Variants in WRAP73 observed in about 807,000 individuals in gnomAD.
The protein encoded by WRAP73 is WD repeat containing, antisense to TP73, also known as WD repeat-containing protein WRAP73.
WRAP73 carries 55 observed loss-of-function variants against 59.6 expected under a neutral mutation model. The observed-to-expected ratio is 0.92, with a 90% confidence interval of 0.74 to 1.15. The LOEUF (loss-of-function observed/expected upper bound fraction) is 1.15, where lower values mean the gene tolerates loss of function less well. Ranked by LOEUF, WRAP73 falls within the 50% of genes most tolerant of loss-of-function variation. The pLI is 0.00. For missense variants in WRAP73, 592 were observed against 608.1 expected, an observed-to-expected ratio of 0.97 and a Z score of 0.28; for synonymous variants, 265 against 258.2, an observed-to-expected ratio of 1.03 and a Z score of -0.25.
chr1:3,630,936 C>CA lies in WRAP73; in HGVS notation c.*38dup, dbSNP rs763485233. 2 of 1,586,776 alleles carry CA rather than the reference C, an allele frequency of 1.3e-6. No individual in the cohort carries two copies. Among genetic ancestry groups the CA allele is most frequent in the Admixed American group, 3.4e-5 (2 of 58,006 alleles). The stretch of plus-strand genomic sequence containing the variant: ...TGTGTTTTTTCCCACACTGGAAACA[C>CA]AGAGTAGCCCTGTTTCTGCACACGT... On this transcript the variant is annotated 3_prime_UTR_variant, in exon 12 of 12. Transcript: ENST00000270708.
chr1:3,634,804 T>C, intron 8 of WRAP73, 193 bp downstream of exon 8: 1 of 695,422 alleles, frequency 1.4e-6, no homozygotes, highest in East Asian at 2.7e-5. Flanking sequence ...TTCAGACCCT[T>C]TGGGCAGCGT....
intron 5 of WRAP73, 164 bp from the exon 6 acceptor site, chr1:3,636,194 T>A: frequency 1.6e-6 from 1 of 628,692 alleles, no homozygotes; most frequent in Non-Finnish European, 2.8e-6. Flanking sequence ...GTAGAGCTGC[T>A]GCTGGGGCTG....
At chr1:3,649,652 C>T (rs1244079551) in intron 1 of WRAP73, among the ~76,000 whole-genome samples, 1 of 150,632 alleles carries the variant, frequency 6.6e-6, no homozygotes, top group Non-Finnish European at 1.5e-5. Context: ...CTGGGCCCCG[C>T]ACCTGCTTGG....
At chr1:3,645,082 A>G (rs551124518) in intron 3 of WRAP73, among the ~76,000 whole-genome samples, 30 of 152,368 alleles carry the variant, frequency 2.0e-4, no homozygotes, top group Middle Eastern at 3.4e-3. Context: ...CTGACAGCCC[A>G]TAATAGCAGA....
intron 9 of WRAP73, chr1:3,632,751 A>C (rs568608635): frequency 7.5e-5 from 21 of 280,210 alleles, no homozygotes; most frequent in Non-Finnish European, 1.2e-4. Context: ...AAGAACCATC[A>C]TCACAGCAGA....
At chr1:3,633,052 A>G in intron 9 of WRAP73, 1 of 298,520 alleles carries the variant, frequency 3.3e-6, no homozygotes, top group Non-Finnish European at 6.4e-6. Context: ...AGCGCTCGGG[A>G]GCACCGCCGG....
rs1644703275 is a variant in WRAP73, at chr1:3,647,507, G to A, written c.123C>T (p.Ile41=). ...LVVRDVNTLQ[I]LQLYTCLDQI... is the part of the protein sequence containing the mutation. ...GGTCTAGGCACGTGTACAGCTGAAG[G>A]ATCTGAAGGGTGTTCACATCCCGGA... is the stretch of plus-strand genomic sequence containing the variant. Residue 41 remains isoleucine, a synonymous_variant, in exon 2 of 12, where the codon ATC becomes ATT. Transcript: ENST00000270708. 1 of 1,613,966 alleles carries A rather than the reference G, an allele frequency of 6.2e-7. No homozygotes were observed. Among genetic ancestry groups the A allele is most frequent in the Non-Finnish European group, 8.5e-7 (1 of 1,179,922 alleles).
Position 3,631,128 on chromosome 1 carries a change from A to G in WRAP73, c.1241-11T>C. ...GCACTGCAAAGTCGCCTAGAGAGAG[A>G]CAGGTGGCCAGAGGATTACAGCAGG... On this transcript the variant is annotated splice_polypyrimidine_tract_variant and intron_variant, in intron 11 of 11. Transcript: ENST00000270708. 6.2e-7 allele frequency: 1 copy of G among 1,613,020 alleles called. No individual in the cohort carries two copies. Among genetic ancestry groups the G allele is most frequent in the Non-Finnish European group, 8.5e-7 (1 of 1,179,912 alleles).
chr1:3,632,688 G>C (rs949336498), intron 9 of WRAP73: 5 of 353,832 alleles, frequency 1.4e-5, no homozygotes, highest in African/African-American at 1.1e-4. Context: ...CAGCATCTGA[G>C]TTCACAATCC....
chr1:3,631,478 C>A lies in WRAP73; in HGVS notation c.1228G>T (p.Val410Leu). Residue 410 changes from valine to leucine, a missense_variant, in exon 11 of 12, where the codon GTG becomes TTG. Val to Leu is a conservative substitution (Grantham distance 32, BLOSUM62 1). Coordinates refer to ENST00000270708, the MANE Select transcript of WRAP73 (RefSeq NM_017818.4). ...WSPAGCMSVQVPGEGDFAVLS... is the reference protein window; with the variant it reads ...WSPAGCMSVQLPGEGDFAVLS... ...GGGATGTGCTTACCTTCCCCAGGCA[C>A]CTGCACCGACATGCAGCCCGCTGGG... The A allele has an allele frequency of 1.2e-6, 2 of 1,600,030 alleles. No homozygotes were observed.
chr1:3,643,659 C>T (rs1318913399), intron 3 of WRAP73, among the ~76,000 whole-genome samples: 14 of 71,616 alleles, frequency 2.0e-4, no homozygotes, highest in South Asian at 7.8e-4. Flanking sequence ...GGGGACCCAG[C>T]GGCCCCGCTG....
At chr1:3,637,756 C>T (rs1644601927) in intron 4 of WRAP73, among the ~76,000 whole-genome samples, 3 of 152,004 alleles carry the variant, frequency 2.0e-5, no homozygotes, top group African/African-American at 7.3e-5. Context: ...ATCACTTAAG[C>T]CCAGGAGGTC....
Position 3,635,260 on chromosome 1 carries a change from A to C in WRAP73, c.638T>G (p.Leu213Trp). The C allele has an allele frequency of 6.2e-7, 1 of 1,613,994 alleles. No individual in the cohort carries two copies. The highest frequency in any genetic ancestry group is 8.5e-7 in the Non-Finnish European group (1 of 1,180,040). The part of the protein sequence containing the change: ...KILLYSLDGR[L>W]LSTYSAYEWS... ...CTCGTAAGCGCTGTACGTGGACAAC[A>C]ACCGGCCATCCAATGAGTACAGCAG... Residue 213 changes from leucine (L) to tryptophan (W), a missense_variant, in exon 7 of 12, where the codon TTG (leucine) becomes TGG (tryptophan). Physicochemically the swap from Leu to Trp is moderately conservative, Grantham distance 61. Transcript: ENST00000270708.
chr1:3,650,064 A>T lies in WRAP73; in HGVS notation c.-65T>A. 1 of 440,498 alleles carries T rather than the reference A, an allele frequency of 2.3e-6. No individual in the cohort carries two copies. The highest frequency in any genetic ancestry group is 4.4e-5 in the South Asian group (1 of 22,798). 27.3% of individuals were successfully genotyped at this position (440,498 alleles called of 1,614,324 possible). The stretch of plus-strand genomic sequence containing the variant: ...CCCGCGGGACCCCTGGGCGCGCAGC[A>T]GGCTGCAACAGCCGACGCCGGCCTC... On this transcript the variant is annotated 5_prime_UTR_variant, in exon 1 of 12. Transcript: ENST00000270708.
In WRAP73 at chr1:3,650,061, AG is replaced by A. The variant is rs1557467464; in HGVS notation, c.-63del. On this transcript the variant is annotated 5_prime_UTR_variant, in exon 1 of 12. Coordinates refer to ENST00000270708, the MANE Select transcript of WRAP73 (RefSeq NM_017818.4). Reference sequence around the variant, plus strand: ...AAACCCGCGGGACCCCTGGGCGCGCAGCAGGCTGCAACAGCCGACGCCGGCC... The same window carrying A: ...AAACCCGCGGGACCCCTGGGCGCGCACAGGCTGCAACAGCCGACGCCGGCC... The A allele has an allele frequency of 7.9e-6, 12 of 1,517,114 alleles. No homozygotes were observed. Among genetic ancestry groups the A allele is most frequent in the Non-Finnish European group, 9.7e-6 (11 of 1,131,042 alleles). 94.0% of individuals were successfully genotyped at this position (1,517,114 alleles called of 1,614,324 possible). A position where few individuals can be genotyped will look rare whatever the true frequency, so the allele number is the denominator to read the frequency against.
intron 9 of WRAP73, 115 bp from the exon 10 acceptor site, chr1:3,632,453 G>C: frequency 6.4e-7 from 1 of 1,552,362 alleles, no homozygotes; most frequent in South Asian, 1.1e-5. Context: ...CTGTTCAAAG[G>C]GGAGGAAAGT....
chr1:3,636,872 T>A, intron 5 of WRAP73, 123 bp downstream of exon 5: 1 of 1,040,838 alleles, frequency 9.6e-7, no homozygotes, highest in Non-Finnish European at 1.4e-6. Context: ...CTGCCCTTTG[T>A]TAATACAACA....
In WRAP73 at chr1:3,650,026, C is replaced by G. The variant is rs750666779; in HGVS notation, c.-27G>C. ...GCCGCCGCCTGCCGCGGGCGCCACC[C>G]TGCGCCCGAAAACCCGCGGGACCCC... On this transcript the variant is annotated 5_prime_UTR_variant, in exon 1 of 12. Coordinates refer to ENST00000270708, the MANE Select transcript of WRAP73 (RefSeq NM_017818.4). 5.7e-6 allele frequency: 9 copies of G among 1,578,602 alleles called. No homozygotes were observed. In the South Asian group the frequency reaches 9.2e-5, roughly 16 times the overall value.
intron 4 of WRAP73, 50 bp downstream of exon 4, chr1:3,638,700 A>G (rs749535578): frequency 6.2e-7 from 1 of 1,608,382 alleles, no homozygotes; most frequent in Admixed American, 1.7e-5. Flanking sequence ...GTGACAAAAA[A>G]GTCAAACAGC....
Sources: allele counts gnomAD v4.1 joint callset (sites outside exome capture counted in the v4.1 genomes callset), GRCh38; gene constraint gnomAD v4.1.1; transcripts MANE v1.5; gene names NCBI Gene and HGNC (gene_info 2026-07-23, HGNC 2026-07-21).